TMED8: variants seen among roughly 807,000 people sequenced by gnomAD.
TMED8 encodes the protein transmembrane p24 trafficking protein family member 8.
In TMED8, 15 loss-of-function variants were observed where a neutral mutation model predicts 32.7. The observed-to-expected ratio is 0.46, with a 90% CI of 0.31 to 0.71. The LOEUF (loss-of-function observed/expected upper bound fraction) is 0.71, where lower values mean the gene tolerates loss of function less well. Among genes scored for constraint, TMED8 ranks in the 30% least tolerant of loss-of-function variants. The probability of loss-of-function intolerance (pLI) is 0.06; values close to 1 mark genes in which losing one functional copy is unlikely to be tolerated. For synonymous variants in TMED8, 147 were observed against 161.4 expected, an observed-to-expected ratio of 0.91 and a Z score of 0.68; for missense variants, 390 against 423.9, an observed-to-expected ratio of 0.92 and a Z score of 0.70.
intron 1 of TMED8, among the ~76,000 whole-genome samples, chr14:77,358,181 T>TCTCACACA (rs992868767): frequency 6.2e-5 from 9 of 145,410 alleles, no homozygotes; most frequent in African/African-American, 2.3e-4. Flanking sequence ...ATGTAATATA[T>TCTCACACA]CACACACACA....
At chr14:77,372,952 A>T (rs8011211) in intron 1 of TMED8, among the ~76,000 whole-genome samples, 3,298 of 14,072 alleles carry the variant, frequency 0.23, 270 homozygotes, top group Middle Eastern at 0.41. Context: ...ATATATATAT[A>T]TTTTTTTTTT....
chr14:77,367,352 A>C (rs1049232522), intron 1 of TMED8, among the ~76,000 whole-genome samples: 1 of 151,924 alleles, frequency 6.6e-6, no homozygotes, highest in Admixed American at 6.6e-5. Flanking sequence ...TATCACAAAC[A>C]CCACCCAGGC....
At chr14:77,351,595 A>T in intron 2 of TMED8, 78 bp downstream of exon 2, 1 of 1,348,840 alleles carries the variant, frequency 7.4e-7, no homozygotes. Flanking sequence ...CCCCGCTTAA[A>T]GTCACTACCT....
chr14:77,373,899 G>A (rs571114244), intron 1 of TMED8, among the ~76,000 whole-genome samples: 3 of 151,282 alleles, frequency 2.0e-5, no homozygotes, highest in Non-Finnish European at 4.4e-5. Context: ...ACCTCCTCCC[G>A]TCTCTCTCTC....
At chr14:77,343,526 CA>C (rs1332660036) in intron 4 of TMED8, 43 bp from the exon 5 acceptor site, 1 of 1,601,796 alleles carries the variant, frequency 6.2e-7, no homozygotes. Context: ...CATGAGGAAA[CA>C]TGAGTACCCC....
At chr14:77,345,133 A>G (rs1174719873) in intron 3 of TMED8, among the ~76,000 whole-genome samples, 9 of 152,040 alleles carry the variant, frequency 5.9e-5, no homozygotes, top group Admixed American at 5.9e-4. Flanking sequence ...GATTACAGAC[A>G]CCTGCCAACA....
At chr14:77,358,896 T>TTTTGTTTGTTTG (rs371643806) in intron 1 of TMED8, among the ~76,000 whole-genome samples, 2 of 152,064 alleles carry the variant, frequency 1.3e-5, no homozygotes, top group African/African-American at 4.8e-5. Context: ...TGCAACTTTT[T>TTTTGTTTGTTTG]TTTGTTTGTT....
chr14:77,354,615 G>A (rs940042358), intron 1 of TMED8, among the ~76,000 whole-genome samples: 3 of 151,934 alleles, frequency 2.0e-5, no homozygotes, highest in African/African-American at 4.8e-5. Context: ...CAAACTAACC[G>A]TAACCCCACT....
At chr14:77,366,444 G>C (rs1390608540) in intron 1 of TMED8, among the ~76,000 whole-genome samples, 1 of 152,240 alleles carries the variant, frequency 6.6e-6, no homozygotes, top group Admixed American at 6.5e-5. Context: ...AAACAGCCAA[G>C]TTGTTCTTGC....
intron 1 of TMED8, among the ~76,000 whole-genome samples, chr14:77,354,935 C>T (rs1037409451): frequency 3.3e-5 from 5 of 150,108 alleles, no homozygotes; most frequent in African/African-American, 2.5e-5. Context: ...GCCTGGGTGA[C>T]GAAGGAAGAA....
chr14:77,348,285 G>C (rs777731154), intron 2 of TMED8, among the ~76,000 whole-genome samples: 1 of 150,924 alleles, frequency 6.6e-6, no homozygotes, highest in African/African-American at 2.4e-5. Flanking sequence ...GTGCAGTGGC[G>C]CGATCTCAGC....
In TMED8 at chr14:77,340,483, A is replaced by C. The variant is rs1892869590; in HGVS notation, c.*1288T>G. On this transcript the variant is annotated 3_prime_UTR_variant, in exon 6 of 6. Coordinates refer to ENST00000216468, the MANE Select transcript of TMED8 (RefSeq NM_213601.3). ...AGGAGTAAGAGACAGGGAGGTACAAACACAGAGACTGCTGAGGTCCCATCT... is the reference window on the plus strand; with the variant it reads ...AGGAGTAAGAGACAGGGAGGTACAACCACAGAGACTGCTGAGGTCCCATCT... 6.6e-6 allele frequency: 1 copy of C among 152,212 alleles called. No homozygotes were observed. The highest frequency in any genetic ancestry group is 1.5e-5 in the Non-Finnish European group (1 of 68,022). 9.4% of individuals were successfully genotyped at this position (152,212 alleles called of 1,614,324 possible).
rs1162951801 is a variant in TMED8, at chr14:77,338,762, T to C, written c.*3009A>G. The C allele has an allele frequency of 1.3e-5, 2 of 152,164 alleles. No homozygotes were observed. Among genetic ancestry groups the C allele is most frequent in the Non-Finnish European group, 2.9e-5 (2 of 68,008 alleles). 9.4% of individuals were successfully genotyped at this position (152,164 alleles called of 1,614,324 possible). A position where few individuals can be genotyped will look rare whatever the true frequency, so the allele number is the denominator to read the frequency against. On this transcript the variant is annotated 3_prime_UTR_variant, in exon 6 of 6. Coordinates refer to ENST00000216468, the MANE Select transcript of TMED8 (RefSeq NM_213601.3). ...TATTGAGACCTGTCTCAGATACTTT[T>C]TGGTTTACAATATATTTATATTTCT...
In TMED8 at chr14:77,372,952, A is replaced by ATT. The variant is rs1160815178; in HGVS notation, c.118+3982_118+3983dup. ...TATATATATATATATATATATATAT[A>ATT]TTTTTTTTTTTTTTTTTTTTTTTTT... On this transcript the variant is annotated intron_variant, in intron 1 of 5. Transcript: ENST00000216468. Among the ~76,000 whole-genome samples the ATT allele has an allele frequency of 9.1e-4, 13 of 14,308 alleles. 1 individual carries two copies. Among genetic ancestry groups the ATT allele is most frequent in the African/African-American group, 2.1e-3 (6 of 2,832 alleles). 9.4% of individuals were successfully genotyped at this position (14,308 alleles called of 152,430 possible).
At chr14:77,373,312 AC>A (rs1448062096) in intron 1 of TMED8, among the ~76,000 whole-genome samples, 24 of 151,758 alleles carry the variant, frequency 1.6e-4, no homozygotes, top group African/African-American at 5.6e-4. Context: ...TAAAAAAAAA[AC>A]AAAAACAAAA....
intron 1 of TMED8, among the ~76,000 whole-genome samples, chr14:77,357,714 T>C (rs926310409): frequency 1.3e-5 from 2 of 152,250 alleles, no homozygotes; most frequent in Non-Finnish European, 1.5e-5. Flanking sequence ...CCTTTTAAGA[T>C]GACACCACTG....
Position 77,335,779 on chromosome 14 carries a change from C to T in TMED8, c.*5992G>A, listed in dbSNP as rs1892747762. 6.6e-6 allele frequency: 1 copy of T among 152,198 alleles called. No individual in the cohort carries two copies. Among genetic ancestry groups the T allele is most frequent in the Admixed American group, 6.5e-5 (1 of 15,272 alleles). The allele number at this position is 152,198 out of a possible 1,614,324, so 9.4% of individuals were successfully genotyped here. A position where few individuals can be genotyped will look rare whatever the true frequency, so the allele number is the denominator to read the frequency against. On this transcript the variant is annotated 3_prime_UTR_variant, in exon 6 of 6. Coordinates refer to ENST00000216468, the MANE Select transcript of TMED8 (RefSeq NM_213601.3). ...GGGTTACAGGATTGCTTTCTCTAGA[C>T]TTGGCTTCTCTTTAACATGGCTAAA... is the stretch of plus-strand genomic sequence containing the variant.
intron 1 of TMED8, among the ~76,000 whole-genome samples, chr14:77,367,376 A>G (rs1893579222): frequency 6.6e-6 from 1 of 151,980 alleles, no homozygotes; most frequent in Admixed American, 6.6e-5. Context: ...GAAATAGAAC[A>G]CTTCTAACAC....
In TMED8 at chr14:77,343,497, C is replaced by A; in HGVS notation, c.455-14G>T. 1 of 1,610,124 alleles carries A rather than the reference C, an allele frequency of 6.2e-7. No homozygotes were observed. Among genetic ancestry groups the A allele is most frequent in the Non-Finnish European group, 8.5e-7 (1 of 1,177,546 alleles). ...GAGGTGGGGAGACTGAAAGGACAAG[C>A]AGCTTAGCACTGAGAAACCATGAGG... On this transcript the variant is annotated splice_polypyrimidine_tract_variant and intron_variant, in intron 4 of 5. Coordinates refer to ENST00000216468, the MANE Select transcript of TMED8 (RefSeq NM_213601.3).
Sources: allele counts gnomAD v4.1 joint callset (sites outside exome capture counted in the v4.1 genomes callset), GRCh38; gene constraint gnomAD v4.1.1; transcripts MANE v1.5; gene names NCBI Gene and HGNC (gene_info 2026-07-23, HGNC 2026-07-21).